Variants in TENM2 observed in about 807,000 individuals in gnomAD.
The protein encoded by TENM2 is teneurin transmembrane protein 2.
Under a neutral mutation model 245.2 loss-of-function variants are expected in TENM2, and 52 were observed. That is an observed-to-expected ratio of 0.21 (90% CI 0.17 to 0.27). TENM2 has a LOEUF of 0.27. TENM2 is among the 10% of genes least tolerant of loss of function. TENM2 has a pLI of 1.00. For missense variants in TENM2, 3,046 were observed against 3,666.8 expected (o/e 0.83, Z 4.37); for synonymous variants, 1,363 against 1,438.9 (o/e 0.95, Z 1.19).
chr5:167,296,797 C>A (rs983949417), intron 1 of TENM2, among the ~76,000 whole-genome samples: 1 of 152,212 alleles, frequency 6.6e-6, no homozygotes, highest in African/African-American at 2.4e-5. Flanking sequence ...AAAGAGCTGA[C>A]CCAGTTAACA....
intron 7 of TENM2, among the ~76,000 whole-genome samples, chr5:168,072,209 T>G (rs1791072790): frequency 6.6e-6 from 1 of 152,178 alleles, no homozygotes; most frequent in Admixed American, 6.5e-5. Context: ...AGAAATCACA[T>G]CAGCAAGGCA....
the TENM2 span, among the ~76,000 whole-genome samples, chr5:167,158,851 CCTTCCTT>C: frequency 9.1e-4 from 66 of 72,590 alleles, no homozygotes; most frequent in African/African-American, 3.1e-3. Context: ...AGCAGCCCTT[CCTTCCTT>C]CCTTCCTTCC....
At chr5:168,178,631 C>G (rs1759568559) in intron 13 of TENM2, among the ~76,000 whole-genome samples, 1 of 151,916 alleles carries the variant, frequency 6.6e-6, no homozygotes, top group East Asian at 1.9e-4. Flanking sequence ...AGGGGCGGGA[C>G]AGGGAGAGGA....
chr5:167,012,889 T>G, the TENM2 span, among the ~76,000 whole-genome samples: 3 of 151,964 alleles, frequency 2.0e-5, no homozygotes, highest in African/African-American at 7.3e-5. Context: ...ATAAAGAAAA[T>G]TTTATAAGCT....
At chr5:167,908,709 CCTT>C (rs1454691944) in intron 3 of TENM2, among the ~76,000 whole-genome samples, 2 of 147,940 alleles carry the variant, frequency 1.4e-5, no homozygotes, top group Admixed American at 6.9e-5. Context: ...CTCTCTCTCT[CCTT>C]CTCTCTTTTC....
chr5:167,200,022 C>T, the TENM2 span, among the ~76,000 whole-genome samples: 2 of 152,032 alleles, frequency 1.3e-5, no homozygotes, highest in African/African-American at 2.4e-5. Flanking sequence ...ACTTCTTTGC[C>T]AGGCTGGTTT....
At chr5:167,335,781 C>G (rs1460018126) in intron 1 of TENM2, among the ~76,000 whole-genome samples, 1 of 152,116 alleles carries the variant, frequency 6.6e-6, no homozygotes, top group African/African-American at 2.4e-5. Context: ...AATCAAGTTG[C>G]TGGTATAATG....
rs557617822 is a variant in TENM2 at position 168,194,561 on chromosome 5, T to C, written c.2781-615T>C. 4.6e-5 allele frequency among the ~76,000 whole-genome samples: 7 copies of C among 152,274 alleles called. No homozygotes were observed. In the South Asian group the frequency reaches 1.5e-3, roughly 32 times the overall value. ...ATATATTTCTAGCAGAAAAAAAGTG[T>C]ATATAGATATATACACATTTTTATT... On this transcript the variant is annotated intron_variant, in intron 14 of 28. Transcript: ENST00000518659.
At chr5:167,072,018 A>C in the TENM2 span, among the ~76,000 whole-genome samples, 1 of 151,698 alleles carries the variant, frequency 6.6e-6, no homozygotes, top group African/African-American at 2.4e-5. Context: ...CATCAGTCTT[A>C]AATTGCTGCT....
chr5:167,133,982 T>C, the TENM2 span, among the ~76,000 whole-genome samples: 1 of 152,200 alleles, frequency 6.6e-6, no homozygotes. Context: ...AAAACCTCTA[T>C]AGAGTGTTCA....
intron 6 of TENM2, among the ~76,000 whole-genome samples, chr5:168,050,787 A>G (rs1301494069): frequency 6.6e-6 from 1 of 152,210 alleles, no homozygotes; most frequent in African/African-American, 2.4e-5. Flanking sequence ...GGGAGAGTAC[A>G]TTCTTTGGTC....
At chr5:167,236,488 A>G in the TENM2 span, among the ~76,000 whole-genome samples, 1 of 152,222 alleles carries the variant, frequency 6.6e-6, no homozygotes, top group Non-Finnish European at 1.5e-5. Flanking sequence ...TATAACAGGA[A>G]GAAAGCTGAG....
chr5:167,432,268 G>A (rs1764299199), intron 2 of TENM2, among the ~76,000 whole-genome samples: 1 of 151,654 alleles, frequency 6.6e-6, no homozygotes, highest in Non-Finnish European at 1.5e-5. Context: ...TTTTCAGCAT[G>A]AGGCAGCAAA....
chr5:168,248,291 A>G, exon 27 of TENM2: 14 of 1,614,008 alleles, frequency 8.7e-6, no homozygotes, highest in Non-Finnish European at 1.1e-5. Context: ...GTGGGCAAGG[A>G]GCCGGCCCCC....
At chr5:168,136,203 T>A (rs1457792110) in intron 12 of TENM2, among the ~76,000 whole-genome samples, 1 of 152,174 alleles carries the variant, frequency 6.6e-6, no homozygotes, top group Non-Finnish European at 1.5e-5. Context: ...CCAAGACAGA[T>A]AGGACTGAAA....
exon 8 of TENM2, chr5:168,090,746 T>C: frequency 6.2e-7 from 1 of 1,613,762 alleles, no homozygotes. Context: ...AAAGAGATGG[T>C]TTCCTTCAAT....
the TENM2 span, among the ~76,000 whole-genome samples, chr5:167,204,029 A>G: frequency 6.6e-6 from 1 of 152,204 alleles, no homozygotes; most frequent in African/African-American, 2.4e-5. Context: ...TAATAATGGG[A>G]GAGGTTCATA....
intron 8 of TENM2, among the ~76,000 whole-genome samples, chr5:168,092,970 C>A (rs868089718): frequency 6.6e-6 from 1 of 152,202 alleles, no homozygotes; most frequent in Non-Finnish European, 1.5e-5. Context: ...TGAGGTAGCA[C>A]TATCACAATT....
chr5:167,743,401 C>G (rs575883564), intron 2 of TENM2, among the ~76,000 whole-genome samples: 2 of 152,304 alleles, frequency 1.3e-5, no homozygotes, highest in Admixed American at 1.3e-4. Context: ...AAAGAGACAT[C>G]ATTCTCAAAA....
Sources: gnomAD v4.1 joint callset for allele counts (sites outside exome capture counted in the v4.1 genomes callset) on GRCh38, gnomAD v4.1.1 for gene constraint, MANE v1.5 for transcripts, NCBI Gene and HGNC (gene_info 2026-07-23, HGNC 2026-07-21) for gene names.